Variants in RBFOX1 observed in about 807,000 individuals in gnomAD.
The protein encoded by RBFOX1 is RNA binding fox-1 homolog 1.
RBFOX1 carries 8 observed loss-of-function variants against 57.7 expected under a neutral mutation model. The observed-to-expected ratio is 0.14, with a 90% CI of 0.08 to 0.25. The LOEUF is 0.25. Ranked by LOEUF, RBFOX1 falls within the 10% of genes least tolerant of loss-of-function variation. The pLI, the probability that RBFOX1 is intolerant of heterozygous loss-of-function variation, is 1.00. For missense variants in RBFOX1, 611 were observed against 548.5 expected (o/e 1.11, Z -1.14); for synonymous variants, 326 against 222.4 (o/e 1.47, Z -4.15).
chr16:7,024,227 C>T (rs1466006766), intron 3 of RBFOX1, among the ~76,000 whole-genome samples: 2 of 152,102 alleles, frequency 1.3e-5, no homozygotes, highest in Admixed American at 6.5e-5. Context: ...ACAGCATTGG[C>T]ACTCATATCG....
intron 1 of RBFOX1, among the ~76,000 whole-genome samples, chr16:5,305,822 C>A (rs988589929): frequency 6.6e-6 from 1 of 152,090 alleles, no homozygotes; most frequent in Non-Finnish European, 1.5e-5. Flanking sequence ...AGTCGGGAGG[C>A]CTAGGTGGGG....
chr16:7,677,134 C>CACACACACACACACACACAT (rs2073547633), intron 14 of RBFOX1, among the ~76,000 whole-genome samples: 1 of 144,222 alleles, frequency 6.9e-6, no homozygotes, highest in Non-Finnish European at 1.5e-5. Flanking sequence ...CATACACATA[C>CACACACACACACACACACAT]ACACACACAC....
chr16:7,606,577 T>C (rs965781944), intron 9 of RBFOX1, among the ~76,000 whole-genome samples: 1 of 152,226 alleles, frequency 6.6e-6, no homozygotes, highest in Non-Finnish European at 1.5e-5. Flanking sequence ...TGCTCTTTTT[T>C]TGTGAGTAAA....
chr16:6,764,091 G>A (rs936183174), intron 3 of RBFOX1, among the ~76,000 whole-genome samples: 1 of 152,172 alleles, frequency 6.6e-6, no homozygotes, highest in Non-Finnish European at 1.5e-5. Flanking sequence ...TGATCTTAAA[G>A]GTATGTGCAT....
intron 1 of RBFOX1, among the ~76,000 whole-genome samples, chr16:6,208,969 G>A (rs2152844415): frequency 6.6e-6 from 1 of 151,200 alleles, no homozygotes; most frequent in African/African-American, 2.4e-5. Flanking sequence ...TTTTTTTTGT[G>A]ACCCAACTGG....
At chr16:5,756,930 A>G (rs915903470) in intron 3 of RBFOX1, among the ~76,000 whole-genome samples, 1 of 152,240 alleles carries the variant, frequency 6.6e-6, no homozygotes, top group Non-Finnish European at 1.5e-5. Flanking sequence ...TGTAAAGGAT[A>G]AAGCCCTTAA....
At chr16:7,481,933 T>A (rs528289616) in intron 4 of RBFOX1, among the ~76,000 whole-genome samples, 1 of 152,346 alleles carries the variant, frequency 6.6e-6, no homozygotes, top group Admixed American at 6.5e-5. Flanking sequence ...AATGCATTAC[T>A]GAAAGTGAAA....
At chr16:5,394,513 CCTT>C (rs763109821) in intron 1 of RBFOX1, among the ~76,000 whole-genome samples, 1 of 151,630 alleles carries the variant, frequency 6.6e-6, no homozygotes, top group Non-Finnish European at 1.5e-5. Flanking sequence ...CTTTTTTACC[CCTT>C]CTTCTCTTCT....
At chr16:5,486,736 A>T (rs2042641700) in intron 2 of RBFOX1, among the ~76,000 whole-genome samples, 1 of 151,840 alleles carries the variant, frequency 6.6e-6, no homozygotes, top group East Asian at 1.9e-4. Flanking sequence ...ACTCATCAGG[A>T]CTCATTGACC....
chr16:6,609,533 G>A (rs1035348527), intron 2 of RBFOX1, among the ~76,000 whole-genome samples: 7 of 151,780 alleles, frequency 4.6e-5, no homozygotes, highest in Non-Finnish European at 8.8e-5. Context: ...TTGTAACAAC[G>A]GGGTTTCACT....
At chr16:6,895,440 GTGTGTGTGTATATATATATA>G (rs1193151863) in intron 3 of RBFOX1, among the ~76,000 whole-genome samples, 6 of 87,522 alleles carry the variant, frequency 6.9e-5, no homozygotes, top group African/African-American at 2.9e-4. Flanking sequence ...GTGTGTGTGT[GTGTGTGTGTATATATATATA>G]TATATATATA....
At chr16:5,964,063 C>G (rs1282867014) in intron 4 of RBFOX1, among the ~76,000 whole-genome samples, 1 of 152,008 alleles carries the variant, frequency 6.6e-6, no homozygotes, top group Non-Finnish European at 1.5e-5. Context: ...TAGCAAAAAG[C>G]CAATAGCCAG....
chr16:5,814,703 T>C (rs1597358394), intron 3 of RBFOX1, among the ~76,000 whole-genome samples: 3 of 151,442 alleles, frequency 2.0e-5, no homozygotes, highest in African/African-American at 4.9e-5. Context: ...CCGAGGCGGG[T>C]GGATCATGAG....
rs187419034 is a variant in RBFOX1 at position 5,775,435 on chromosome 16, G to A, written c.319-91868G>A. 1.1e-3 allele frequency among the ~76,000 whole-genome samples: 164 copies of A among 152,338 alleles called. 1 individual carries two copies. Among genetic ancestry groups the A allele is most frequent in the African/African-American group, 3.8e-3 (158 of 41,564 alleles). ...GACTGATGCAAGCCAGGCTAGGACTGCTCAGAAGGCAGGGGAAAGTAACAC... is the reference window on the plus strand; with the variant it reads ...GACTGATGCAAGCCAGGCTAGGACTACTCAGAAGGCAGGGGAAAGTAACAC... On this transcript the variant is annotated intron_variant, in intron 3 of 19. Transcript: ENST00000641259.
chr16:5,919,911 C>T (rs1400044686), intron 4 of RBFOX1, among the ~76,000 whole-genome samples: 1 of 152,088 alleles, frequency 6.6e-6, no homozygotes, highest in African/African-American at 2.4e-5. Flanking sequence ...ATAATGTGTT[C>T]AAGGTTCATC....
intron 3 of RBFOX1, among the ~76,000 whole-genome samples, chr16:6,790,169 C>CTATTATTATTATTATTAT (rs71145294): frequency 0.015 from 2,080 of 141,498 alleles, 36 homozygotes; most frequent in East Asian, 0.048. Context: ...TTATTTTATT[C>CTATTATTATTATTATTAT]TATTATTATT....
intron 1 of RBFOX1, among the ~76,000 whole-genome samples, chr16:5,294,944 C>G (rs1211066093): frequency 2.7e-5 from 4 of 149,522 alleles, no homozygotes; most frequent in African/African-American, 7.3e-5. Flanking sequence ...GCTGGAGAAT[C>G]CCTTGAGCCC....
At chr16:6,978,675 C>G (rs2087785340) in intron 3 of RBFOX1, among the ~76,000 whole-genome samples, 1 of 152,140 alleles carries the variant, frequency 6.6e-6, no homozygotes, top group Admixed American at 6.5e-5. Flanking sequence ...TTCTTACCGA[C>G]TTGGAAGCTG....
chr16:6,218,388 G>C (rs550686679), intron 1 of RBFOX1, among the ~76,000 whole-genome samples: 1 of 151,896 alleles, frequency 6.6e-6, no homozygotes, highest in African/African-American at 2.4e-5. Context: ...GGCTCACTGC[G>C]ACACCTGCCT....
Sources: gnomAD v4.1 joint callset for allele counts (sites outside exome capture counted in the v4.1 genomes callset) on GRCh38, gnomAD v4.1.1 for gene constraint, MANE v1.5 for transcripts, NCBI Gene and HGNC (gene_info 2026-07-23, HGNC 2026-07-21) for gene names.